The following PAWR variants were observed in gnomAD, a reference collection of about 807,000 sequenced individuals.
PAWR encodes PRKC apoptosis WT1 regulator protein.
A neutral mutation model predicts 32.0 loss-of-function variants in PAWR; 23 were observed. The observed-to-expected ratio is 0.72, with a 90% CI of 0.52 to 1.02. The LOEUF is 1.02. Among genes scored for constraint, PAWR ranks in the 50% least tolerant of loss-of-function variants. The pLI is 0.00. For synonymous variants in PAWR, 226 were observed against 187.1 expected, an observed-to-expected ratio of 1.21 and a Z score of -1.70; for missense variants, 457 against 437.7, an observed-to-expected ratio of 1.04 and a Z score of -0.39.
chr12:79,627,476 G>C (rs1241962814), intron 2 of PAWR, among the ~76,000 whole-genome samples: 1 of 152,086 alleles, frequency 6.6e-6, no homozygotes, highest in Non-Finnish European at 1.5e-5. Context: ...GTTCATTGTA[G>C]GTTCTGGATA....
At chr12:79,604,507 T>G in intron 4 of PAWR, 1 of 1,149,564 alleles carries the variant, frequency 8.7e-7, no homozygotes, top group South Asian at 1.8e-5. Context: ...AGCTTAGCAA[T>G]GAGAAGAAAT....
chr12:79,678,099 G>C (rs1019547728), intron 2 of PAWR, among the ~76,000 whole-genome samples: 1 of 152,126 alleles, frequency 6.6e-6, no homozygotes, highest in Non-Finnish European at 1.5e-5. Flanking sequence ...AATGCATATG[G>C]AAATTTTGAT....
chr12:79,616,797 A>T (rs1324307195), intron 3 of PAWR, among the ~76,000 whole-genome samples: 2 of 152,252 alleles, frequency 1.3e-5, no homozygotes, highest in African/African-American at 4.8e-5. Context: ...TGCTAGCTTG[A>T]TACAGTTGAT....
chr12:79,684,806 T>C (rs996687213), intron 2 of PAWR, among the ~76,000 whole-genome samples: 1 of 152,234 alleles, frequency 6.6e-6, no homozygotes, highest in African/African-American at 2.4e-5. Context: ...AGTCATATAC[T>C]AACAATTTAA....
intron 4 of PAWR, among the ~76,000 whole-genome samples, chr12:79,610,539 G>A (rs12306680): frequency 0.2 from 30,267 of 151,926 alleles, 7,998 homozygotes; most frequent in African/African-American, 0.6. Context: ...GCTACACTTC[G>A]TTTAAAAGGC....
intron 2 of PAWR, among the ~76,000 whole-genome samples, chr12:79,657,394 G>A (rs983483814): frequency 1.3e-5 from 2 of 151,598 alleles, no homozygotes; most frequent in African/African-American, 2.4e-5. Context: ...GCAGTTTACT[G>A]TAGGTCACCT....
At chr12:79,676,787 T>C (rs1001025622) in intron 2 of PAWR, among the ~76,000 whole-genome samples, 2 of 152,202 alleles carry the variant, frequency 1.3e-5, no homozygotes, top group African/African-American at 2.4e-5. Flanking sequence ...CTCATCTTTG[T>C]ACTACTGCCC....
At chr12:79,689,707 C>T (rs1170201435) in intron 2 of PAWR, 22 bp downstream of exon 2, 1 of 1,534,610 alleles carries the variant, frequency 6.5e-7, no homozygotes, top group East Asian at 2.5e-5. Flanking sequence ...CCCGGTCCGG[C>T]TGCGGCCCCC....
intron 2 of PAWR, among the ~76,000 whole-genome samples, chr12:79,659,199 C>A (rs1041437705): frequency 6.6e-6 from 1 of 151,602 alleles, no homozygotes; most frequent in Non-Finnish European, 1.5e-5. Context: ...TGGGCTAAGG[C>A]AGGAGAATCG....
chr12:79,596,711 G>A (rs1422842542), intron 4 of PAWR, 53 bp from the exon 5 acceptor site: 5 of 1,206,918 alleles, frequency 4.1e-6, no homozygotes, highest in African/African-American at 1.6e-5. Context: ...CAAGAAAAAT[G>A]CCAAGAATAT....
intron 2 of PAWR, among the ~76,000 whole-genome samples, chr12:79,676,039 A>G (rs1299432254): frequency 2.6e-5 from 4 of 152,154 alleles, no homozygotes; most frequent in Admixed American, 2.6e-4. Flanking sequence ...AAAAAAAAAA[A>G]ATCAAGAATG....
At chr12:79,668,609 C>G (rs1384795304) in intron 2 of PAWR, among the ~76,000 whole-genome samples, 1 of 152,160 alleles carries the variant, frequency 6.6e-6, no homozygotes, top group Admixed American at 6.5e-5. Flanking sequence ...AAGGAGTGCA[C>G]AACCTACATC....
At chr12:79,621,603 TATAG>T (rs1218665626) in intron 2 of PAWR, among the ~76,000 whole-genome samples, 2 of 152,106 alleles carry the variant, frequency 1.3e-5, no homozygotes, top group African/African-American at 2.4e-5. Context: ...AATACATATA[TATAG>T]ATAGATAGAT....
At chr12:79,621,621 T>G (rs1592506918) in intron 2 of PAWR, among the ~76,000 whole-genome samples, 1 of 152,170 alleles carries the variant, frequency 6.6e-6, no homozygotes, top group Non-Finnish European at 1.5e-5. Flanking sequence ...GATAGATAAC[T>G]TAGTGATAAA....
intron 2 of PAWR, among the ~76,000 whole-genome samples, chr12:79,665,234 A>G (rs563799241): frequency 2.6e-5 from 4 of 152,324 alleles, no homozygotes; most frequent in South Asian, 4.1e-4. Context: ...ACTAAAACAG[A>G]TATCTTCAAA....
At chr12:79,640,234 C>T (rs544895848) in intron 2 of PAWR, among the ~76,000 whole-genome samples, 1 of 151,964 alleles carries the variant, frequency 6.6e-6, no homozygotes, top group East Asian at 1.9e-4. Flanking sequence ...CTACTCCCTG[C>T]CCACAAAGAG....
intron 4 of PAWR, among the ~76,000 whole-genome samples, chr12:79,600,917 T>C (rs1873937740): frequency 6.6e-6 from 1 of 152,174 alleles, no homozygotes; most frequent in South Asian, 2.1e-4. Flanking sequence ...AGTAATCCAC[T>C]GATCATGCAC....
chr12:79,609,573 AGAG>A (rs1392741584), intron 4 of PAWR, among the ~76,000 whole-genome samples: 2 of 151,840 alleles, frequency 1.3e-5, no homozygotes, highest in African/African-American at 2.4e-5. Context: ...CACAGAGAGG[AGAG>A]GAAGAGAAGA....
chr12:79,656,452 G>A (rs911176910), intron 2 of PAWR, among the ~76,000 whole-genome samples: 11 of 152,200 alleles, frequency 7.2e-5, no homozygotes, highest in Middle Eastern at 3.4e-3. Context: ...GGGGTGAGGC[G>A]GGGAAATATG....
Sources: gnomAD v4.1 joint callset for allele counts (sites outside exome capture counted in the v4.1 genomes callset) on GRCh38, gnomAD v4.1.1 for gene constraint, MANE v1.5 for transcripts, NCBI Gene and HGNC (gene_info 2026-07-23, HGNC 2026-07-21) for gene names.